FRMPD1: variants seen among roughly 807,000 people sequenced by gnomAD.
FRMPD1 encodes FERM and PDZ domain containing 1.
FRMPD1 carries 76 observed loss-of-function variants against 117.8 expected under a neutral mutation model. That is an observed-to-expected ratio of 0.65 (90% CI 0.54 to 0.78). The LOEUF (loss-of-function observed/expected upper bound fraction) is 0.78, where lower values mean the gene tolerates loss of function less well. Ranked by LOEUF, FRMPD1 falls within the 30% of genes least tolerant of loss-of-function variation. The probability of loss-of-function intolerance (pLI) is 0.00; values close to 1 mark genes in which losing one functional copy is unlikely to be tolerated. For missense variants in FRMPD1, 1,786 were observed against 1,964.5 expected (o/e 0.91, Z 1.72); for synonymous variants, 783 against 770.4 (o/e 1.02, Z -0.27).
chr9:37,729,987 GCTCA>G, intron 8 of FRMPD1, 134 bp downstream of exon 8: 1 of 877,012 alleles, frequency 1.1e-6, no homozygotes, highest in East Asian at 2.5e-5. Flanking sequence ...AAGGCACAGA[GCTCA>G]CTCAGCCTGG....
At chr9:37,667,577 C>A (rs1290550684) in intron 1 of FRMPD1, among the ~76,000 whole-genome samples, 1 of 150,686 alleles carries the variant, frequency 6.6e-6, no homozygotes, top group Non-Finnish European at 1.5e-5. Flanking sequence ...GCTTGGGAGG[C>A]TGAGACACAA....
rs774999716 is a variant in FRMPD1 at position 37,707,383 on chromosome 9, C to G, written c.102-33C>G. On this transcript the variant is annotated intron_variant, in intron 2 of 15. Transcript: ENST00000377765. ...TCGTGACCAACAACTAGAGTCTTCTCTTTCTCTTTTTTACATACTCCTTCT... is the reference window on the plus strand; with the variant it reads ...TCGTGACCAACAACTAGAGTCTTCTGTTTCTCTTTTTTACATACTCCTTCT... 1.9e-5 allele frequency: 31 copies of G among 1,604,602 alleles called. No individual in the cohort carries two copies. The East Asian group carries it at 6.0e-4, about 31-fold the overall frequency.
intron 4 of FRMPD1, among the ~76,000 whole-genome samples, chr9:37,710,435 C>A (rs1282816431): frequency 6.6e-6 from 1 of 152,188 alleles, no homozygotes; most frequent in African/African-American, 2.4e-5. Context: ...AAGCAGTTAT[C>A]TGCTTGATTT....
At chr9:37,623,494 C>T in the FRMPD1 span, among the ~76,000 whole-genome samples, 1 of 152,102 alleles carries the variant, frequency 6.6e-6, no homozygotes, top group Non-Finnish European at 1.5e-5. Flanking sequence ...AAAGTAAAGG[C>T]CCCTCTAGGC....
rs1038407829 is a variant in FRMPD1, at chr9:37,685,425, C to T, written c.-4-7213C>T. 3.3e-5 allele frequency among the ~76,000 whole-genome samples: 5 copies of T among 151,642 alleles called. No individual in the cohort carries two copies. In the South Asian group the frequency reaches 6.2e-4, roughly 19 times the overall value. ...TTGGGAGGCCAAGGCGGGCGGATCA[C>T]AAAGTCAGGAGATCGAGACTATCCT... On this transcript the variant is annotated intron_variant, in intron 1 of 15. Transcript: ENST00000377765.
At chr9:37,700,317 A>G (rs1195836639) in intron 2 of FRMPD1, among the ~76,000 whole-genome samples, 1 of 152,154 alleles carries the variant, frequency 6.6e-6, no homozygotes, top group Non-Finnish European at 1.5e-5. Context: ...TGTTACAACC[A>G]CAAGTGCATT....
chr9:37,706,442 TC>T (rs2118140663), intron 2 of FRMPD1, among the ~76,000 whole-genome samples: 1 of 152,200 alleles, frequency 6.6e-6, no homozygotes, highest in Admixed American at 6.5e-5. Flanking sequence ...AACCGCAGAG[TC>T]CCAAGACAGC....
At chr9:37,614,958 A>G in the FRMPD1 span, among the ~76,000 whole-genome samples, 5 of 152,180 alleles carry the variant, frequency 3.3e-5, no homozygotes, top group African/African-American at 1.2e-4. Context: ...GAAGAAATTA[A>G]AAGAATGTTT....
At chr9:37,725,318 G>A (rs879647491) in intron 7 of FRMPD1, among the ~76,000 whole-genome samples, 1 of 152,228 alleles carries the variant, frequency 6.6e-6, no homozygotes, top group African/African-American at 2.4e-5. Context: ...AACCATGTAA[G>A]AGGAAACATT....
chr9:37,709,362 C>CT (rs199672511), intron 4 of FRMPD1, among the ~76,000 whole-genome samples: 4,491 of 149,044 alleles, frequency 0.03, 226 homozygotes, highest in African/African-American at 0.1. Context: ...TTTTTTTTCC[C>CT]TTTTTTTTTG....
At chr9:37,700,387 G>A (rs534932166) in intron 2 of FRMPD1, among the ~76,000 whole-genome samples, 26 of 152,196 alleles carry the variant, frequency 1.7e-4, no homozygotes, top group African/African-American at 6.0e-4. Flanking sequence ...CTCTATTTCT[G>A]GTTTCTTTGA....
chr9:37,693,736 TC>T (rs1431041607), intron 2 of FRMPD1, among the ~76,000 whole-genome samples: 1 of 152,220 alleles, frequency 6.6e-6, no homozygotes, highest in African/African-American at 2.4e-5. Context: ...CACAGTATGC[TC>T]CAGCTAAAGG....
chr9:37,640,088 G>A, the FRMPD1 span, among the ~76,000 whole-genome samples: 1 of 152,104 alleles, frequency 6.6e-6, no homozygotes, highest in Non-Finnish European at 1.5e-5. Context: ...TCAAGCAAAT[G>A]GTTTAACTGC....
intron 14 of FRMPD1, 96 bp downstream of exon 14, chr9:37,737,339 C>A: frequency 9.2e-7 from 1 of 1,088,750 alleles, no homozygotes; most frequent in Non-Finnish European, 1.4e-6. Context: ...TGAATTGAGC[C>A]GAGGCTTCAG....
At chr9:37,664,410 C>T (rs1024053096) in intron 1 of FRMPD1, among the ~76,000 whole-genome samples, 1 of 152,076 alleles carries the variant, frequency 6.6e-6, no homozygotes, top group African/African-American at 2.4e-5. Flanking sequence ...TACCTATCAA[C>T]CCATCACCTA....
At chr9:37,657,424 A>T (rs571431993) in intron 1 of FRMPD1, among the ~76,000 whole-genome samples, 2 of 152,228 alleles carry the variant, frequency 1.3e-5, no homozygotes, top group Non-Finnish European at 2.9e-5. Flanking sequence ...TTATAAAAAT[A>T]ATTTATTTAG....
intron 5 of FRMPD1, among the ~76,000 whole-genome samples, chr9:37,714,987 T>C (rs1051226254): frequency 2.0e-5 from 3 of 152,192 alleles, no homozygotes; most frequent in South Asian, 2.1e-4. Flanking sequence ...ATCATATATG[T>C]CTTGCTTTAG....
intron 1 of FRMPD1, among the ~76,000 whole-genome samples, chr9:37,676,736 A>G (rs909592058): frequency 5.3e-5 from 8 of 152,194 alleles, no homozygotes; most frequent in Non-Finnish European, 1.2e-4. Context: ...GCCGCCTGAC[A>G]GCAATCAGCC....
intron 1 of FRMPD1, among the ~76,000 whole-genome samples, chr9:37,672,509 A>G (rs1821387598): frequency 1.3e-5 from 2 of 152,206 alleles, no homozygotes; most frequent in African/African-American, 2.4e-5. Context: ...TCCATGCATT[A>G]CCTCATTAAT....
Sources: gnomAD v4.1 joint callset for allele counts (sites outside exome capture counted in the v4.1 genomes callset) on GRCh38, gnomAD v4.1.1 for gene constraint, MANE v1.5 for transcripts, NCBI Gene and HGNC (gene_info 2026-07-23, HGNC 2026-07-21) for gene names.